STRA6: variants seen among roughly 807,000 people sequenced by gnomAD.
STRA6 encodes the protein signaling receptor and transporter of retinol STRA6, also known as receptor for retinol uptake STRA6.
STRA6 carries 48 observed loss-of-function variants against 83.6 expected under a neutral mutation model. The ratio of observed to expected loss-of-function variants is 0.57; its 90% CI spans 0.46 to 0.73. The LOEUF (loss-of-function observed/expected upper bound fraction) is 0.73, where lower values mean the gene tolerates loss of function less well. STRA6 is among the 30% of genes least tolerant of loss of function. The probability of loss-of-function intolerance (pLI) is 0.00; values close to 1 mark genes in which losing one functional copy is unlikely to be tolerated. For synonymous variants in STRA6, 353 were observed against 362.3 expected (o/e 0.97, Z 0.29); for missense variants, 760 against 838.8 (o/e 0.91, Z 1.16).
intron 5 of STRA6, 148 bp from the exon 6 acceptor site, chr15:74,195,823 T>C (rs1222727093): frequency 2.0e-6 from 2 of 984,724 alleles, no homozygotes; most frequent in African/African-American, 1.6e-5. Context: ...GGGGCTAATA[T>C]GCATACTTTG....
intron 11 of STRA6, 58 bp from the exon 12 acceptor site, chr15:74,189,335 G>A: frequency 6.5e-7 from 1 of 1,548,080 alleles, no homozygotes; most frequent in Non-Finnish European, 8.7e-7. Flanking sequence ...GTGCTAACAG[G>A]GGAGACGCTG....
At chr15:74,191,300 C>A (rs944349349) in intron 9 of STRA6, 57 bp from the exon 10 acceptor site, 27 of 1,610,752 alleles carry the variant, frequency 1.7e-5, no homozygotes, top group African/African-American at 6.7e-5. Context: ...TCCCTGAGGG[C>A]CAGCCCCAGA....
upstream of STRA6, among the ~76,000 whole-genome samples, chr15:74,211,826 C>T (rs1196561431): frequency 6.6e-6 from 1 of 152,074 alleles, no homozygotes; most frequent in African/African-American, 2.4e-5. Context: ...CTCAGTCTCC[C>T]TCCTTTCCTT....
chr15:74,183,467 A>G (rs1421097256), intron 14 of STRA6: 1 of 1,125,540 alleles, frequency 8.9e-7, no homozygotes, highest in Non-Finnish European at 1.1e-6. Context: ...GCTGGTCTTC[A>G]TCTCCTGACT....
rs200500820 is a variant in STRA6, at chr15:74,195,267, C to A, written c.597+35G>T. The stretch of plus-strand genomic sequence containing the variant: ...TGGTTTGAGTAGGTTGCTCTGTGCG[C>A]CCCTCTGCCCTAGGCCATTGTGATC... On this transcript the variant is annotated intron_variant, in intron 7 of 18. Transcript: ENST00000395105. The A allele has an allele frequency of 2.6e-5, 41 of 1,607,700 alleles. No individual in the cohort carries two copies. The East Asian group carries it at 7.8e-4, about 31-fold the overall frequency.
At chr15:74,209,132 C>T, upstream of STRA6, 1 of 1,314,942 alleles carries the variant, frequency 7.6e-7, no homozygotes, top group Non-Finnish European at 9.8e-7. Flanking sequence ...GAGGAACCCA[C>T]CCCACCCCCA....
chr15:74,207,278 A>C (rs1467067403), upstream of STRA6, among the ~76,000 whole-genome samples: 1 of 152,130 alleles, frequency 6.6e-6, no homozygotes, highest in East Asian at 1.9e-4. Context: ...CCTCAGAAAC[A>C]TCCCCTCAAG....
upstream of STRA6, chr15:74,209,056 C>A (rs889631384): frequency 5.0e-6 from 6 of 1,203,516 alleles, no homozygotes; most frequent in Admixed American, 1.3e-4. Flanking sequence ...CAGCTCCCCC[C>A]TTCTCCAGTC....
chr15:74,192,064 A>G (rs910465125), intron 8 of STRA6: 3 of 168,198 alleles, frequency 1.8e-5, no homozygotes, highest in African/African-American at 7.2e-5. Flanking sequence ...CTGGGAGAAC[A>G]CAGGCTGTTG....
chr15:74,192,286 G>A (rs918116135), intron 8 of STRA6, among the ~76,000 whole-genome samples: 7 of 152,184 alleles, frequency 4.6e-5, no homozygotes, highest in African/African-American at 1.7e-4. Flanking sequence ...CAGGCACTGT[G>A]TCGTCCCGGG....
chr15:74,181,570 T>A, intron 16 of STRA6, 112 bp from the exon 17 acceptor site: 1 of 1,413,126 alleles, frequency 7.1e-7, no homozygotes, highest in Non-Finnish European at 9.8e-7. Flanking sequence ...TGCCTACCAT[T>A]TATTGCTATG....
At chr15:74,205,218 T>C (rs997407835), upstream of STRA6, among the ~76,000 whole-genome samples, 1 of 151,992 alleles carries the variant, frequency 6.6e-6, no homozygotes, top group Non-Finnish European at 1.5e-5. Flanking sequence ...GAGGTACCAG[T>C]TGGGCACTGT....
intron 8 of STRA6, among the ~76,000 whole-genome samples, chr15:74,193,231 A>G (rs896851343): frequency 6.6e-6 from 1 of 152,030 alleles, no homozygotes; most frequent in African/African-American, 2.4e-5. Flanking sequence ...ACACAAAACT[A>G]TCTCTTCCCC....
Position 74,188,729 on chromosome 15 carries a change from C to T in STRA6, c.1090+386G>A, listed in dbSNP as rs1274241285. 1.3e-5 allele frequency among the ~76,000 whole-genome samples: 2 copies of T among 152,144 alleles called. No homozygotes were observed. ...AGCCTGTGCCCTGCCCAACGCCAGACCCCTGCCACGAGGATTCGCTCAGAA... is the reference window on the plus strand; with the variant it reads ...AGCCTGTGCCCTGCCCAACGCCAGATCCCTGCCACGAGGATTCGCTCAGAA... On this transcript the variant is annotated intron_variant, in intron 12 of 18. Transcript: ENST00000395105. This position sits in a 1 kb window ranked among gnomAD's most constrained non-coding sequence, Gnocchi z 4.5.
rs570214336 is a variant in STRA6 at position 74,181,385 on chromosome 15, G to C, written c.1594C>G (p.Arg532Gly). The C allele has an allele frequency of 6.2e-7, 1 of 1,613,294 alleles. No individual in the cohort carries two copies. Among genetic ancestry groups the C allele is most frequent in the Non-Finnish European group, 8.5e-7 (1 of 1,179,668 alleles). The change falls in exon 17 of 19, where the codon CGA becomes GGA. Residue 532 changes from arginine (R) to glycine (G), a missense_variant. By Grantham distance (125) the Arg-to-Gly change is moderately radical (BLOSUM62 -2). Transcript: ENST00000395105. ...VLVGAMVATW[R>G]VLLSALYNAI... is the part of the protein sequence containing the mutation. ...TTGTAGAGGGCAGAGAGGAGCACTC[G>C]CCAGGTGGCCACCATGGCACCCACC...
chr15:74,202,055 A>G, intron 2 of STRA6, 100 bp downstream of exon 2: 2 of 1,314,354 alleles, frequency 1.5e-6, no homozygotes, highest in South Asian at 2.5e-5. Context: ...AGCCAGACCT[A>G]GCAGCCCCTG....
chr15:74,197,915 C>A, intron 2 of STRA6, 97 bp from the exon 3 acceptor site: 1 of 1,265,380 alleles, frequency 7.9e-7, no homozygotes, highest in South Asian at 1.2e-5. Flanking sequence ...GAGGCTTTAC[C>A]CACTACCTCC....
Position 74,202,747 on chromosome 15 carries a change from G to C in STRA6, c.-50C>G. The stretch of plus-strand genomic sequence containing the variant: ...GGCCCAGGGAGGAAGGAGTTGCAGA[G>C]ATGAAAGGGTAGGCAGCCCACGGCC... On this transcript the variant is annotated 5_prime_UTR_variant, in exon 1 of 19. It adds an upstream start codon to the 5' untranslated region. Coordinates refer to ENST00000395105, the MANE Select transcript of STRA6 (RefSeq NM_022369.4). The C allele has an allele frequency of 8.1e-7, 1 of 1,230,334 alleles. No individual in the cohort carries two copies. Among genetic ancestry groups the C allele is most frequent in the Non-Finnish European group, 1.0e-6 (1 of 986,640 alleles). The allele number at this position is 1,230,334 out of a possible 1,614,324, so 76.2% of individuals were successfully genotyped here. A position where few individuals can be genotyped will look rare whatever the true frequency, so the allele number is the denominator to read the frequency against.
intron 1 of STRA6, chr15:74,207,804 A>T: frequency 6.5e-7 from 1 of 1,535,594 alleles, no homozygotes; most frequent in African/African-American, 1.4e-5. Flanking sequence ...GCACACTCAC[A>T]CACACATCCA....
Sources: allele counts gnomAD v4.1 joint callset (sites outside exome capture counted in the v4.1 genomes callset), GRCh38; gene constraint gnomAD v4.1.1; non-coding constraint Gnocchi (gnomAD v3.1); transcripts MANE v1.5; gene names NCBI Gene and HGNC (gene_info 2026-07-23, HGNC 2026-07-21).